Variants in TBC1D22A observed in about 807,000 individuals in gnomAD.
The protein encoded by TBC1D22A is TBC1 domain family member 22A, also known as putative GTPase activator.
A neutral mutation model predicts 60.2 loss-of-function variants in TBC1D22A; 38 were observed. That is an observed-to-expected ratio of 0.63 (90% CI 0.49 to 0.83). TBC1D22A has a LOEUF of 0.83. TBC1D22A is among the 40% of genes least tolerant of loss of function. The probability of loss-of-function intolerance (pLI) is 0.00; values close to 1 mark genes in which losing one functional copy is unlikely to be tolerated. For synonymous variants in TBC1D22A, 302 were observed against 281.7 expected (o/e 1.07, Z -0.72); for missense variants, 628 against 701.0 (o/e 0.90, Z 1.18).
intron 4 of TBC1D22A, among the ~76,000 whole-genome samples, chr22:46,862,599 G>A (rs1051375511): frequency 1.3e-5 from 2 of 152,220 alleles, no homozygotes; most frequent in Non-Finnish European, 2.9e-5. Context: ...GCGAGAGCGG[G>A]GCTGCGGGAA....
At chr22:46,943,920 A>C (rs969481828) in intron 8 of TBC1D22A, among the ~76,000 whole-genome samples, 1 of 152,216 alleles carries the variant, frequency 6.6e-6, no homozygotes, top group South Asian at 2.1e-4. Context: ...ATAATATTCC[A>C]TATAGACCAC....
intron 11 of TBC1D22A, among the ~76,000 whole-genome samples, chr22:47,096,395 G>A (rs2065174337): frequency 6.6e-6 from 1 of 152,180 alleles, no homozygotes; most frequent in Non-Finnish European, 1.5e-5. Context: ...TTCTGGATAC[G>A]AATCCTTTGT....
intron 12 of TBC1D22A, among the ~76,000 whole-genome samples, chr22:47,162,631 G>A (rs1200028183): frequency 7.7e-5 from 4 of 51,886 alleles, no homozygotes; most frequent in Non-Finnish European, 1.9e-4. Context: ...CTGTGGACCC[G>A]GTGCAGGGAG....
At chr22:46,818,679 C>T (rs1443684672) in intron 4 of TBC1D22A, among the ~76,000 whole-genome samples, 1 of 152,124 alleles carries the variant, frequency 6.6e-6, no homozygotes, top group African/African-American at 2.4e-5. Context: ...TAGCATGATG[C>T]TTCTAGCTTT....
intron 4 of TBC1D22A, among the ~76,000 whole-genome samples, chr22:46,863,378 C>T (rs2066905535): frequency 6.6e-6 from 1 of 152,194 alleles, no homozygotes; most frequent in Non-Finnish European, 1.5e-5. Context: ...AATGTCTCTT[C>T]TGATCAAGTA....
chr22:46,922,302 C>A (rs2070804283), intron 8 of TBC1D22A, among the ~76,000 whole-genome samples: 1 of 152,100 alleles, frequency 6.6e-6, no homozygotes, highest in African/African-American at 2.4e-5. Flanking sequence ...GTTAGTGTAG[C>A]CTTGAAGTAT....
intron 4 of TBC1D22A, among the ~76,000 whole-genome samples, chr22:46,824,541 T>G (rs982558148): frequency 2.0e-5 from 3 of 151,896 alleles, no homozygotes; most frequent in African/African-American, 4.8e-5. Context: ...TGGAAGGAGG[T>G]CACATTCCAT....
intron 8 of TBC1D22A, among the ~76,000 whole-genome samples, chr22:46,950,105 T>C (rs911347232): frequency 2.0e-5 from 3 of 152,186 alleles, no homozygotes; most frequent in African/African-American, 2.4e-5. Context: ...AGTTAGGTCA[T>C]TGTGCTAAGC....
intron 4 of TBC1D22A, among the ~76,000 whole-genome samples, chr22:46,838,303 TAAATGAGGAAA>T (rs2086606552): frequency 6.6e-6 from 1 of 152,112 alleles, no homozygotes; most frequent in Non-Finnish European, 1.5e-5. Context: ...AATGCAATCA[TAAATGAGGAAA>T]TATTGATAAA....
intron 12 of TBC1D22A, among the ~76,000 whole-genome samples, chr22:47,127,921 G>GCCTCTCCCACCCACCCAC (rs2066523313): frequency 7.0e-6 from 1 of 142,054 alleles, no homozygotes; most frequent in African/African-American, 2.9e-5. Context: ...AGGGTTTCCG[G>GCCTCTCCCACCCACCCAC]CCTCTCCCAC....
chr22:47,006,922 T>C (rs1268687149), intron 10 of TBC1D22A, among the ~76,000 whole-genome samples: 1 of 151,944 alleles, frequency 6.6e-6, no homozygotes, highest in Non-Finnish European at 1.5e-5. Context: ...CAAGGGTGAG[T>C]AGCATGAAAC....
intron 4 of TBC1D22A, among the ~76,000 whole-genome samples, chr22:46,843,559 T>A (rs1488295300): frequency 6.6e-6 from 1 of 152,072 alleles, no homozygotes; most frequent in Non-Finnish European, 1.5e-5. Context: ...GTGACGCCTT[T>A]ACACCCATCC....
Position 46,986,683 on chromosome 22 carries a change from A to G in TBC1D22A, c.1126-10951A>G, listed in dbSNP as rs556512550. On this transcript the variant is annotated intron_variant, in intron 9 of 12. Coordinates refer to ENST00000337137, the MANE Select transcript of TBC1D22A (RefSeq NM_014346.5). ...TTGGTATTTTTTGCTACTGATTTGT[A>G]GTAAATCAATTTTGGATTGATATGC... Among the ~76,000 whole-genome samples the G allele has an allele frequency of 1.5e-4, 23 of 151,130 alleles. No individual in the cohort carries two copies. In the South Asian group the frequency reaches 3.2e-3, roughly 21 times the overall value.
At chr22:47,036,404 G>A (rs545241095) in intron 10 of TBC1D22A, among the ~76,000 whole-genome samples, 15 of 152,332 alleles carry the variant, frequency 9.8e-5, no homozygotes, top group African/African-American at 3.6e-4. Flanking sequence ...TCTGAGCTGA[G>A]GCTGCAAAGC....
At chr22:46,811,258 C>G (rs2085365293) in intron 4 of TBC1D22A, among the ~76,000 whole-genome samples, 1 of 152,168 alleles carries the variant, frequency 6.6e-6, no homozygotes, top group Non-Finnish European at 1.5e-5. Flanking sequence ...CTGTCAGGGA[C>G]AGATTCTGGG....
At chr22:46,789,730 A>G (rs537233537) in intron 1 of TBC1D22A, among the ~76,000 whole-genome samples, 116 of 152,382 alleles carry the variant, frequency 7.6e-4, no homozygotes, top group African/African-American at 2.7e-3. Context: ...TTCTCAAAGC[A>G]GTGGGTGAAA....
intron 4 of TBC1D22A, among the ~76,000 whole-genome samples, chr22:46,835,961 T>G (rs1226025276): frequency 1.3e-5 from 2 of 151,698 alleles, no homozygotes; most frequent in Non-Finnish European, 2.9e-5. Context: ...AAAAAAAACC[T>G]GCCGACTAAG....
In TBC1D22A at chr22:47,048,298, C is replaced by T. The variant is rs933823910; in HGVS notation, c.1329+11100C>T. On this transcript the variant is annotated intron_variant, in intron 11 of 12. Coordinates refer to ENST00000337137, the MANE Select transcript of TBC1D22A (RefSeq NM_014346.5). ...AGCACTTACCGGGTCAGCCCAAGCC[C>T]AGGGTCACCCATGGTTGCTGTCAGG... Among the ~76,000 whole-genome samples the T allele has an allele frequency of 3.9e-5, 6 of 152,188 alleles. No homozygotes were observed. The East Asian group carries it at 1.2e-3, about 29-fold the overall frequency.
intron 10 of TBC1D22A, among the ~76,000 whole-genome samples, chr22:47,000,397 G>A (rs1322123542): frequency 2.6e-5 from 4 of 152,142 alleles, no homozygotes; most frequent in Non-Finnish European, 5.9e-5. Flanking sequence ...TCTCTCAAAA[G>A]CACTTCTGAG....
Sources: gnomAD v4.1 joint callset for allele counts (sites outside exome capture counted in the v4.1 genomes callset) on GRCh38, gnomAD v4.1.1 for gene constraint, MANE v1.5 for transcripts, NCBI Gene and HGNC (gene_info 2026-07-23, HGNC 2026-07-21) for gene names.